The following CCSER1 variants were observed in gnomAD, a reference collection of about 807,000 sequenced individuals.
The protein encoded by CCSER1 is coiled-coil serine rich protein 1.
A neutral mutation model predicts 82.0 loss-of-function variants in CCSER1; 41 were observed. That is an observed-to-expected ratio of 0.50 (90% confidence interval 0.39 to 0.65). CCSER1 has a LOEUF of 0.65. Ranked by LOEUF, CCSER1 falls within the 30% of genes least tolerant of loss-of-function variation. The pLI is 0.00. For synonymous variants in CCSER1, 414 were observed against 383.9 expected (o/e 1.08, Z -0.92); for missense variants, 1,119 against 1,064.2 (o/e 1.05, Z -0.72).
At chr4:91,300,829 G>T (rs915792457) in intron 10 of CCSER1, among the ~76,000 whole-genome samples, 7 of 151,798 alleles carry the variant, frequency 4.6e-5, no homozygotes, top group Admixed American at 1.3e-4. Context: ...TGATAACTAG[G>T]TTAGCATTAA....
chr4:91,025,620 C>T (rs980715513), intron 9 of CCSER1, among the ~76,000 whole-genome samples: 1 of 152,104 alleles, frequency 6.6e-6, no homozygotes, highest in Non-Finnish European at 1.5e-5. Context: ...CCCCCTGAAA[C>T]TTCTCTAATC....
chr4:90,431,044 T>C (rs931908160), intron 4 of CCSER1, among the ~76,000 whole-genome samples: 1 of 152,022 alleles, frequency 6.6e-6, no homozygotes, highest in African/African-American at 2.4e-5. Context: ...AGCCTGGTTT[T>C]GTTAAGGTGA....
intron 9 of CCSER1, among the ~76,000 whole-genome samples, chr4:90,934,366 C>T (rs990184393): frequency 6.6e-6 from 1 of 152,052 alleles, no homozygotes; most frequent in Non-Finnish European, 1.5e-5. Context: ...TATGAAAATA[C>T]AAGTTAAAGG....
chr4:91,255,767 A>T (rs955716741), intron 10 of CCSER1, among the ~76,000 whole-genome samples: 1 of 152,166 alleles, frequency 6.6e-6, no homozygotes, highest in South Asian at 2.1e-4. Context: ...ATGGACATTT[A>T]TCACTTCCCC....
intron 10 of CCSER1, among the ~76,000 whole-genome samples, chr4:91,423,842 C>T (rs1262936225): frequency 6.6e-6 from 1 of 151,926 alleles, no homozygotes; most frequent in Non-Finnish European, 1.5e-5. Context: ...GCACTGTTCC[C>T]GTCAGCTTCA....
chr4:91,513,964 GCT>G (rs983576152), intron 10 of CCSER1, among the ~76,000 whole-genome samples: 4 of 151,628 alleles, frequency 2.6e-5, no homozygotes, highest in African/African-American at 9.7e-5. Context: ...ATTCAATTCT[GCT>G]CTGATTTCAG....
chr4:91,205,074 CTG>C (rs1055292468), intron 10 of CCSER1, among the ~76,000 whole-genome samples: 1 of 151,592 alleles, frequency 6.6e-6, no homozygotes, highest in African/African-American at 2.4e-5. Context: ...TCAAAATTAA[CTG>C]TGATTTATAA....
intron 5 of CCSER1, among the ~76,000 whole-genome samples, chr4:90,495,832 G>A (rs990373618): frequency 1.3e-5 from 2 of 152,138 alleles, no homozygotes; most frequent in Non-Finnish European, 2.9e-5. Context: ...ATAATTATCA[G>A]GCCCCTGCAG....
At chr4:90,761,466 A>G (rs1750397688) in intron 7 of CCSER1, among the ~76,000 whole-genome samples, 1 of 152,164 alleles carries the variant, frequency 6.6e-6, no homozygotes, top group South Asian at 2.1e-4. Context: ...ATTGTTCAGT[A>G]AATAAAATAC....
In CCSER1 at chr4:91,442,912, A is replaced by C. The variant is rs570505901; in HGVS notation, c.2218-155660A>C. On this transcript the variant is annotated intron_variant, in intron 10 of 10. Transcript: ENST00000509176. The stretch of plus-strand genomic sequence containing the variant: ...GGCCGTCAGAGAAATGCAAATCAAA[A>C]CCGCAGTGAGATACCATCTCACACC... 1.8e-4 allele frequency among the ~76,000 whole-genome samples: 27 copies of C among 152,350 alleles called. No homozygotes were observed. The East Asian group carries it at 5.2e-3, about 29-fold the overall frequency.
In CCSER1 at chr4:91,602,612, A is replaced by ATAATC. The variant is rs1764853412; in HGVS notation, c.*3559_*3563dup. 6.6e-6 allele frequency among the ~76,000 whole-genome samples: 1 copy of ATAATC among 152,012 alleles called. No homozygotes were observed. The highest frequency in any genetic ancestry group is 6.6e-5 in the Admixed American group (1 of 15,228). The stretch of plus-strand genomic sequence containing the variant: ...GAATACTTAGCATAATCTCATAATT[A>ATAATC]TAATCTAAATTTTTACTACTTTTTC... On this transcript the variant is annotated 3_prime_UTR_variant, in exon 11 of 11. Coordinates refer to ENST00000509176, the MANE Select transcript of CCSER1 (RefSeq NM_001145065.2).
At chr4:90,666,857 A>G (rs1579825042) in intron 6 of CCSER1, among the ~76,000 whole-genome samples, 3 of 152,212 alleles carry the variant, frequency 2.0e-5, no homozygotes, top group African/African-American at 7.2e-5. Flanking sequence ...GAGAAACAAC[A>G]CAAAGAACAT....
intron 6 of CCSER1, among the ~76,000 whole-genome samples, chr4:90,718,939 TAACTC>T (rs1235172827): frequency 6.6e-6 from 1 of 152,152 alleles, no homozygotes; most frequent in African/African-American, 2.4e-5. Flanking sequence ...GCATTACTAT[TAACTC>T]AACTGGTCAA....
At chr4:90,386,681 A>G (rs981354748) in intron 3 of CCSER1, among the ~76,000 whole-genome samples, 6 of 152,364 alleles carry the variant, frequency 3.9e-5, no homozygotes, top group African/African-American at 1.4e-4. Flanking sequence ...GCATAACAAA[A>G]GAAACAATCA....
At chr4:91,571,131 TCA>T (rs775286722) in intron 10 of CCSER1, among the ~76,000 whole-genome samples, 62 of 152,206 alleles carry the variant, frequency 4.1e-4, no homozygotes, top group Admixed American at 2.6e-4. Context: ...ATTGTCCATA[TCA>T]CCATCAGCAT....
chr4:90,611,581 C>T (rs573726475), intron 5 of CCSER1, among the ~76,000 whole-genome samples: 4 of 150,910 alleles, frequency 2.7e-5, no homozygotes, highest in South Asian at 2.1e-4. Context: ...AATGTAAGTT[C>T]TTATATGATT....
chr4:91,370,674 C>T (rs907585812), intron 10 of CCSER1, among the ~76,000 whole-genome samples: 67 of 150,524 alleles, frequency 4.5e-4, no homozygotes, highest in African/African-American at 1.3e-3. Flanking sequence ...CCAGCCTGGG[C>T]GACAGAATGA....
chr4:90,164,855 G>A (rs898551964), intron 1 of CCSER1, among the ~76,000 whole-genome samples: 1 of 152,060 alleles, frequency 6.6e-6, no homozygotes, highest in Non-Finnish European at 1.5e-5. Context: ...AAACTTGAAT[G>A]TTTTTGAATT....
chr4:90,549,772 G>T (rs1017069856), intron 5 of CCSER1, among the ~76,000 whole-genome samples: 9 of 151,888 alleles, frequency 5.9e-5, no homozygotes, highest in African/African-American at 2.2e-4. Flanking sequence ...AGATGTTCCA[G>T]GTAAGTTTGT....
Sources: gnomAD v4.1 joint callset for allele counts (sites outside exome capture counted in the v4.1 genomes callset) on GRCh38, gnomAD v4.1.1 for gene constraint, MANE v1.5 for transcripts, NCBI Gene and HGNC (gene_info 2026-07-23, HGNC 2026-07-21) for gene names.